Variants in CCDC77 observed in about 807,000 individuals in gnomAD.
CCDC77 encodes the protein coiled-coil domain containing 77, also known as coiled-coil domain-containing protein 77.
A neutral mutation model predicts 66.8 loss-of-function variants in CCDC77; 56 were observed. The ratio of observed to expected loss-of-function variants is 0.84; its 90% CI spans 0.68 to 1.05. The LOEUF is 1.05. Among genes scored for constraint, CCDC77 ranks in the 50% least tolerant of loss-of-function variants. CCDC77 has a pLI of 0.00. For missense variants in CCDC77, 570 were observed against 576.8 expected, an observed-to-expected ratio of 0.99 and a Z score of 0.12; for synonymous variants, 196 against 195.2, an observed-to-expected ratio of 1.00 and a Z score of -0.03.
intron 9 of CCDC77, chr12:436,841 C>T (rs73043888): frequency 5.7e-6 from 4 of 697,132 alleles, no homozygotes; most frequent in Non-Finnish European, 5.3e-6. Flanking sequence ...GTATCACTTT[C>T]AAGCTACTTG....
At position 440,715 on chromosome 12, in the gene CCDC77, A is replaced by G. The variant is rs1231715809; in HGVS notation, c.1140A>G (p.Glu380=). ...LEEELARIRE[E]EGMRREIFKD... ...AAGAACTTGCCCGAATTCGTGAGGA[A>G]GAGGGAATGAGGAGAGAGATCTTCA... Residue 380 remains glutamate, a synonymous_variant, in exon 11 of 13, where the codon GAA becomes GAG. Coordinates refer to ENST00000239830, the MANE Select transcript of CCDC77 (RefSeq NM_032358.4). 7 of 1,614,172 alleles carry G rather than the reference A, an allele frequency of 4.3e-6. No homozygotes were observed. The highest frequency in any genetic ancestry group is 5.1e-6 in the Non-Finnish European group (6 of 1,180,046).
intron 4 of CCDC77, among the ~76,000 whole-genome samples, chr12:412,745 C>T (rs908416442): frequency 2.6e-5 from 4 of 152,164 alleles, no homozygotes; most frequent in Non-Finnish European, 2.9e-5. Context: ...TTCAGCTGTA[C>T]CCTCAACCAT....
chr12:395,202 C>G (rs1002791039), intron 1 of CCDC77: 6 of 152,402 alleles, frequency 3.9e-5, no homozygotes, highest in East Asian at 1.9e-4. Flanking sequence ...CCTCAGCCTC[C>G]TGAGTAGCTA....
intron 5 of CCDC77, among the ~76,000 whole-genome samples, chr12:422,315 C>T (rs1218031227): frequency 4.6e-5 from 7 of 152,302 alleles, no homozygotes; most frequent in Middle Eastern, 3.4e-3. Context: ...CTGAAGTGTA[C>T]GGTTCAGTGG....
At chr12:437,845 TAAA>T (rs3043231) in intron 9 of CCDC77, among the ~76,000 whole-genome samples, 2 of 124,512 alleles carry the variant, frequency 1.6e-5, no homozygotes, top group African/African-American at 3.1e-5. Flanking sequence ...GACCCTGTCT[TAAA>T]AAAAAAAAAA....
intron 4 of CCDC77, among the ~76,000 whole-genome samples, chr12:416,381 A>ATATATATATATATATG: frequency 4.9e-5 from 1 of 20,554 alleles, no homozygotes; most frequent in East Asian, 9.8e-4. Context: ...GTGTGTGTAT[A>ATATATATATATATATG]TATATATATA....
chr12:439,027 G>A (rs552002603), intron 10 of CCDC77, among the ~76,000 whole-genome samples: 3 of 151,994 alleles, frequency 2.0e-5, no homozygotes, highest in Admixed American at 1.3e-4. Context: ...GCAGTCAGCC[G>A]AGACTGTGCC....
chr12:434,627 C>T (rs1719560547), intron 9 of CCDC77, among the ~76,000 whole-genome samples: 2 of 152,228 alleles, frequency 1.3e-5, no homozygotes, highest in South Asian at 4.1e-4. Context: ...GCTGGGATTA[C>T]AGGCATGAGC....
At chr12:416,375 GTGTATATA>G (rs1257158523) in intron 4 of CCDC77, among the ~76,000 whole-genome samples, 16 of 20,586 alleles carry the variant, frequency 7.8e-4, no homozygotes, top group African/African-American at 1.6e-3. Flanking sequence ...GTGTGTGTGT[GTGTATATA>G]TATATATATA....
chr12:430,550 C>A, intron 6 of CCDC77, 114 bp from the exon 7 acceptor site: 1 of 778,652 alleles, frequency 1.3e-6, no homozygotes, highest in Non-Finnish European at 2.3e-6. Context: ...CTTATATGAT[C>A]ATATCAGTTT....
At chr12:414,746 G>A (rs1277737786) in intron 4 of CCDC77, among the ~76,000 whole-genome samples, 3 of 151,978 alleles carry the variant, frequency 2.0e-5, no homozygotes, top group Non-Finnish European at 4.4e-5. Context: ...CCCCTAAACC[G>A]AATCATTTGG....
chr12:390,296 T>G (rs1360714948), intron 1 of CCDC77, among the ~76,000 whole-genome samples: 1 of 152,188 alleles, frequency 6.6e-6, no homozygotes. Context: ...GTTGGATTGC[T>G]TTGTCTAAAA....
intron 11 of CCDC77, 25 bp downstream of exon 11, chr12:440,767 A>T (rs1441130848): frequency 6.2e-7 from 1 of 1,613,630 alleles, no homozygotes; most frequent in African/African-American, 1.3e-5. Context: ...GCCACTTGTA[A>T]TGGAATAGGA....
At chr12:438,649 G>T in intron 10 of CCDC77, 95 bp downstream of exon 10, 1 of 918,136 alleles carries the variant, frequency 1.1e-6, no homozygotes, top group Non-Finnish European at 1.7e-6. Context: ...GATCCATTCA[G>T]TCCAGGAAGC....
At chr12:418,916 C>G in intron 5 of CCDC77, 1 of 328,674 alleles carries the variant, frequency 3.0e-6, no homozygotes, top group Non-Finnish European at 5.7e-6. Context: ...CCACGCTGGT[C>G]TCGAACTCTT....
chr12:441,660 T>G, intron 12 of CCDC77, 114 bp from the exon 13 acceptor site: 1 of 1,086,352 alleles, frequency 9.2e-7, no homozygotes, highest in Non-Finnish European at 1.3e-6. Context: ...ATTTATCCTA[T>G]GTACTCAAAA....
At chr12:418,429 T>A in intron 4 of CCDC77, 65 bp from the exon 5 acceptor site, 1 of 1,491,724 alleles carries the variant, frequency 6.7e-7, no homozygotes, top group Non-Finnish European at 9.3e-7. Flanking sequence ...CTCCTCCCTA[T>A]CCAGTGAGAG....
At chr12:393,448 T>C (rs1041089438) in intron 1 of CCDC77, among the ~76,000 whole-genome samples, 1 of 152,168 alleles carries the variant, frequency 6.6e-6, no homozygotes, top group African/African-American at 2.4e-5. Flanking sequence ...CAGATGACTG[T>C]AATTTCTTAA....
intron 5 of CCDC77, among the ~76,000 whole-genome samples, chr12:427,128 C>G (rs567910946): frequency 6.6e-6 from 1 of 152,172 alleles, no homozygotes; most frequent in Admixed American, 6.5e-5. Context: ...GCCTGTAGTC[C>G]CAGCTACTCG....
Sources: allele counts gnomAD v4.1 joint callset (sites outside exome capture counted in the v4.1 genomes callset), GRCh38; gene constraint gnomAD v4.1.1; transcripts MANE v1.5; gene names NCBI Gene and HGNC (gene_info 2026-07-23, HGNC 2026-07-21).